KATNA1: variants seen among roughly 807,000 people sequenced by gnomAD.
KATNA1 encodes the protein katanin catalytic subunit A1.
Under a neutral mutation model 62.6 loss-of-function variants are expected in KATNA1, and 42 were observed. That is an observed-to-expected ratio of 0.67 (90% confidence interval 0.52 to 0.87). KATNA1 has a LOEUF of 0.87. KATNA1 is among the 40% of genes least tolerant of loss of function. The pLI is 0.00. For synonymous variants in KATNA1, 186 were observed against 201.9 expected (o/e 0.92, Z 0.67); for missense variants, 498 against 612.5 (o/e 0.81, Z 1.97).
chr6:149,604,915 C>G (rs1289090452), intron 4 of KATNA1, 133 bp from the exon 5 acceptor site: 1 of 779,896 alleles, frequency 1.3e-6, no homozygotes, highest in East Asian at 2.5e-5. Context: ...TGGCTCACAC[C>G]TGTAATCCCA....
At chr6:149,602,240 G>A (rs1778574519) in intron 6 of KATNA1, among the ~76,000 whole-genome samples, 1 of 152,072 alleles carries the variant, frequency 6.6e-6, no homozygotes, top group Admixed American at 6.6e-5. Flanking sequence ...GGTGGTACAT[G>A]CCTGTAATCC....
intron 1 of KATNA1, among the ~76,000 whole-genome samples, chr6:149,647,828 G>A (rs1416154376): frequency 1.3e-5 from 2 of 152,158 alleles, no homozygotes; most frequent in Admixed American, 1.3e-4. Flanking sequence ...GGCCCTTCGC[G>A]GTTTTAACAG....
upstream of KATNA1, chr6:149,648,741 G>C (rs1780582944): frequency 6.6e-6 from 1 of 152,292 alleles, no homozygotes; most frequent in Non-Finnish European, 1.5e-5. Flanking sequence ...CGCCCCGGGA[G>C]CGAGGTCGCT....
chr6:149,595,102 A>G lies in KATNA1; in HGVS notation c.1410T>C (p.Ser470=). Residue 470 remains serine, a synonymous_variant, in exon 11 of 11, where the codon TCT becomes TCC. Coordinates refer to ENST00000367411, the MANE Select transcript of KATNA1 (RefSeq NM_007044.4). ...CAATGTCTGCAGCAGACACTGACTT[A>G]GAAACCTTTTTTAAAGCCATCTCGA... is the stretch of plus-strand genomic sequence containing the variant. ...EDFEMALKKV[S]KSVSAADIER... is the part of the protein sequence containing the mutation. The G allele has an allele frequency of 6.2e-7, 1 of 1,614,154 alleles. No individual in the cohort carries two copies. The highest frequency in any genetic ancestry group is 8.5e-7 in the Non-Finnish European group (1 of 1,179,996).
chr6:149,648,914 G>A (rs1780590177), upstream of KATNA1: 1 of 152,456 alleles, frequency 6.6e-6, no homozygotes, highest in Non-Finnish European at 1.5e-5. Context: ...TTGTTCAGGT[G>A]CTTGCTCACT....
intron 10 of KATNA1, 81 bp downstream of exon 10, chr6:149,596,982 G>A: frequency 1.4e-6 from 2 of 1,416,624 alleles, no homozygotes; most frequent in Non-Finnish European, 2.0e-6. Context: ...GAGCGAGACT[G>A]TGTCTCAAAA....
At chr6:149,647,424 G>A (rs1342947208) in intron 1 of KATNA1, among the ~76,000 whole-genome samples, 1 of 149,782 alleles carries the variant, frequency 6.7e-6, no homozygotes, top group Non-Finnish European at 1.5e-5. Flanking sequence ...CAAGGAGGCT[G>A]AGGCAGGGGA....
intron 4 of KATNA1, among the ~76,000 whole-genome samples, chr6:149,608,680 G>A (rs2115094339): frequency 6.6e-6 from 1 of 152,218 alleles, no homozygotes. Flanking sequence ...ATGAACAAGA[G>A]CCCCTGCATG....
chr6:149,604,321 C>T (rs1396050620), intron 5 of KATNA1, among the ~76,000 whole-genome samples: 8 of 152,060 alleles, frequency 5.3e-5, no homozygotes, highest in Middle Eastern at 3.2e-3. Flanking sequence ...TTAAAATTAG[C>T]TAGATGTGGT....
At chr6:149,633,870 C>T (rs1341490988) in intron 2 of KATNA1, among the ~76,000 whole-genome samples, 3 of 151,988 alleles carry the variant, frequency 2.0e-5, no homozygotes, top group South Asian at 2.1e-4. Flanking sequence ...GCAGGAGAAT[C>T]GCTTGAACCT....
intron 8 of KATNA1, 98 bp downstream of exon 8, chr6:149,598,126 T>C (rs1026339909): frequency 7.5e-7 from 1 of 1,338,866 alleles, no homozygotes; most frequent in African/African-American, 1.5e-5. Flanking sequence ...TATTAAAAGC[T>C]TGGGTTAGCA....
intron 2 of KATNA1, among the ~76,000 whole-genome samples, chr6:149,635,601 C>T (rs984535272): frequency 4.6e-5 from 7 of 151,862 alleles, no homozygotes; most frequent in African/African-American, 1.5e-4. Flanking sequence ...TCCAGCTACT[C>T]GGGAGGCTGA....
At chr6:149,641,637 G>A (rs73606763) in intron 1 of KATNA1, among the ~76,000 whole-genome samples, 305 of 152,256 alleles carry the variant, frequency 2.0e-3, no homozygotes, top group African/African-American at 6.6e-3. Flanking sequence ...TATGAACATG[G>A]AAATCCTAAT....
intron 2 of KATNA1, among the ~76,000 whole-genome samples, chr6:149,634,850 A>C (rs934463749): frequency 6.6e-6 from 1 of 152,190 alleles, no homozygotes; most frequent in African/African-American, 2.4e-5. Flanking sequence ...CACTGATCAG[A>C]ATATACTAAT....
intron 1 of KATNA1, among the ~76,000 whole-genome samples, chr6:149,643,197 C>T (rs145444085): frequency 5.9e-5 from 9 of 152,224 alleles, no homozygotes; most frequent in African/African-American, 9.6e-5. Flanking sequence ...CCCTGAGGAA[C>T]TGAATCCTGC....
At chr6:149,631,140 C>T (rs1475732091) in intron 3 of KATNA1, among the ~76,000 whole-genome samples, 1 of 152,178 alleles carries the variant, frequency 6.6e-6, no homozygotes, top group Non-Finnish European at 1.5e-5. Flanking sequence ...TGGCTCACGC[C>T]TGTAATCCCA....
chr6:149,624,739 A>C (rs145091307), intron 3 of KATNA1, among the ~76,000 whole-genome samples: 1 of 151,900 alleles, frequency 6.6e-6, no homozygotes, highest in Non-Finnish European at 1.5e-5. Flanking sequence ...TTAGGCTCCT[A>C]CTCTGCTCCC....
chr6:149,595,059 T>C lies in KATNA1; in HGVS notation c.1453A>G (p.Ile485Val), dbSNP rs199531016. The change falls in exon 11 of 11, where the codon ATA becomes GTA. Residue 485 changes from isoleucine (I) to valine (V), a missense_variant. Transcript: ENST00000367411. ...AADIERYEKW[I>V]FEFGSC The stretch of plus-strand genomic sequence containing the variant: ...ATTTAGCATGATCCAAACTCAAATA[T>C]CCATTTCTCGTATCTTTCAATGTCT... 7.4e-5 allele frequency: 119 copies of C among 1,613,968 alleles called. No homozygotes were observed. The highest frequency in any genetic ancestry group is 1.3e-4 in the Admixed American group (8 of 60,012).
chr6:149,620,158 G>A (rs1174292677), intron 4 of KATNA1, among the ~76,000 whole-genome samples: 2 of 152,152 alleles, frequency 1.3e-5, no homozygotes, highest in Admixed American at 1.3e-4. Context: ...GACGTACAGA[G>A]TACAATAATG....
Sources: gnomAD v4.1 joint callset for allele counts (sites outside exome capture counted in the v4.1 genomes callset) on GRCh38, gnomAD v4.1.1 for gene constraint, MANE v1.5 for transcripts, NCBI Gene and HGNC (gene_info 2026-07-23, HGNC 2026-07-21) for gene names.